Variants in FBN2 observed in about 807,000 individuals in gnomAD.
FBN2 encodes the protein fibrillin 2.
FBN2 carries 105 observed loss-of-function variants against 355.6 expected under a neutral mutation model. That is an observed-to-expected ratio of 0.30 (90% CI 0.25 to 0.35). FBN2 has a LOEUF of 0.35. Among genes scored for constraint, FBN2 ranks in the 10% least tolerant of loss-of-function variants. The pLI is 1.00. For missense variants in FBN2, 3,280 were observed against 3,758.7 expected (o/e 0.87, Z 3.33); for synonymous variants, 1,350 against 1,301.2 (o/e 1.04, Z -0.81).
In FBN2 at chr5:128,318,331, G is replaced by A. The variant is rs557060612; in HGVS notation, c.4595-60C>T. On this transcript the variant is annotated intron_variant, in intron 35 of 64. Coordinates refer to ENST00000262464, the MANE Select transcript of FBN2 (RefSeq NM_001999.4). Reference sequence around the variant, plus strand: ...TTTTACTTTTTCTGTGCATACTGCTGTTCCAAAGAATTTGGTGGAATTTTT... The same window carrying A: ...TTTTACTTTTTCTGTGCATACTGCTATTCCAAAGAATTTGGTGGAATTTTT... 45 of 1,583,804 alleles carry A rather than the reference G, an allele frequency of 2.8e-5. No individual in the cohort carries two copies. The East Asian group carries it at 8.9e-4, about 31-fold the overall frequency.
chr5:128,511,974 G>T (rs2127152955), intron 5 of FBN2, among the ~76,000 whole-genome samples: 1 of 152,286 alleles, frequency 6.6e-6, no homozygotes, highest in African/African-American at 2.4e-5. Context: ...GACCAGTTAA[G>T]TAATGAGTAC....
intron 36 of FBN2, among the ~76,000 whole-genome samples, chr5:128,313,388 C>T (rs1750113363): frequency 6.6e-6 from 1 of 152,096 alleles, no homozygotes; most frequent in Non-Finnish European, 1.5e-5. Context: ...CTACCAATTG[C>T]CTATTTCATT....
chr5:128,443,268 C>G (rs909271571), intron 7 of FBN2, among the ~76,000 whole-genome samples: 1 of 152,148 alleles, frequency 6.6e-6, no homozygotes. Flanking sequence ...ACAAAAAATG[C>G]TAAGATGAAG....
intron 58 of FBN2, among the ~76,000 whole-genome samples, chr5:128,276,865 C>T (rs1445688866): frequency 6.6e-5 from 10 of 152,154 alleles, no homozygotes; most frequent in African/African-American, 2.2e-4. Flanking sequence ...CACAGCACTA[C>T]GCCTCCTGGC....
At chr5:128,400,390 C>G (rs1052309275) in intron 8 of FBN2, among the ~76,000 whole-genome samples, 7 of 152,136 alleles carry the variant, frequency 4.6e-5, no homozygotes, top group African/African-American at 1.4e-4. Flanking sequence ...TAAAAAATTA[C>G]TAGACTACAT....
chr5:128,509,529 A>C (rs540109920), intron 5 of FBN2, among the ~76,000 whole-genome samples: 1 of 152,272 alleles, frequency 6.6e-6, no homozygotes, highest in Admixed American at 6.5e-5. Context: ...CAGTCTGTTA[A>C]TTCTAACATC....
chr5:128,411,193 C>T (rs764620094), intron 7 of FBN2, among the ~76,000 whole-genome samples: 2 of 152,104 alleles, frequency 1.3e-5, no homozygotes, highest in African/African-American at 2.4e-5. Flanking sequence ...AACCCTGTAC[C>T]AGCCCACGGC....
At chr5:128,310,152 T>G in intron 39 of FBN2, 44 bp from the exon 40 acceptor site, 1 of 1,503,182 alleles carries the variant, frequency 6.7e-7, no homozygotes, top group Non-Finnish European at 9.2e-7. Flanking sequence ...ATCTATTTTT[T>G]CAATGAATTT....
chr5:128,470,806 T>A (rs1043570441), intron 5 of FBN2, among the ~76,000 whole-genome samples: 1 of 152,138 alleles, frequency 6.6e-6, no homozygotes, highest in African/African-American at 2.4e-5. Flanking sequence ...TGACTGTCAG[T>A]GGAATGCAGT....
intron 5 of FBN2, among the ~76,000 whole-genome samples, chr5:128,478,843 T>C: frequency 6.6e-6 from 1 of 152,202 alleles, no homozygotes; most frequent in Non-Finnish European, 1.5e-5. Flanking sequence ...TGTACTCTTG[T>C]GCATTCTTAA....
chr5:128,534,014 T>C (rs1002393226), intron 2 of FBN2, among the ~76,000 whole-genome samples: 3 of 152,112 alleles, frequency 2.0e-5, no homozygotes, highest in African/African-American at 7.2e-5. Flanking sequence ...TTTCCAGAAC[T>C]TGGAGAATTA....
intron 8 of FBN2, among the ~76,000 whole-genome samples, chr5:128,402,866 T>A (rs1752832030): frequency 6.6e-6 from 1 of 152,238 alleles, no homozygotes; most frequent in Non-Finnish European, 1.5e-5. Flanking sequence ...CATGTTTACA[T>A]TGTTTAAGAG....
rs140756341 is a variant in FBN2 at position 128,278,201 on chromosome 5, G to A, written c.7346-196C>T. ...GGAAAAATAATCTCAAGTGATGGGAGGGGATAAAGGGAGACTCTGGTGAAA... is the reference window on the plus strand; with the variant it reads ...GGAAAAATAATCTCAAGTGATGGGAAGGGATAAAGGGAGACTCTGGTGAAA... On this transcript the variant is annotated intron_variant, in intron 57 of 64. Transcript: ENST00000262464. Among the ~76,000 whole-genome samples, 723 of 152,252 alleles carry A rather than the reference G, an allele frequency of 4.7e-3. 7 individuals carry two copies. The highest frequency in any genetic ancestry group is 0.017 in the African/African-American group (693 of 41,538).
At chr5:128,480,703 C>T (rs1258435623) in intron 5 of FBN2, among the ~76,000 whole-genome samples, 3 of 151,988 alleles carry the variant, frequency 2.0e-5, no homozygotes, top group Non-Finnish European at 2.9e-5. Flanking sequence ...CCAGCCTGGG[C>T]GACAGAGCGA....
At chr5:128,328,314 G>A (rs1269872842) in intron 34 of FBN2, 7 of 442,544 alleles carry the variant, frequency 1.6e-5, no homozygotes, top group African/African-American at 4.0e-5. Context: ...CCAAAAATGA[G>A]CTTTTTATGA....
intron 15 of FBN2, chr5:128,370,974 A>G (rs1398400399): frequency 6.6e-6 from 1 of 152,188 alleles, no homozygotes; most frequent in Admixed American, 6.5e-5. Flanking sequence ...TTATTCATTA[A>G]ATAAGGATAC....
At chr5:128,411,767 G>A (rs1308738529) in intron 7 of FBN2, among the ~76,000 whole-genome samples, 3 of 152,160 alleles carry the variant, frequency 2.0e-5, no homozygotes, top group South Asian at 2.1e-4. Context: ...TGGAGCCCTC[G>A]CCAGGGACCC....
At chr5:128,361,652 C>T in intron 19 of FBN2, 71 bp downstream of exon 19, 1 of 1,526,996 alleles carries the variant, frequency 6.5e-7, no homozygotes, top group Non-Finnish European at 9.1e-7. Flanking sequence ...ATTGCTTCAT[C>T]ACTGTAATTG....
intron 7 of FBN2, among the ~76,000 whole-genome samples, chr5:128,418,122 A>G (rs2127011992): frequency 6.6e-6 from 1 of 152,232 alleles, no homozygotes; most frequent in Non-Finnish European, 1.5e-5. Flanking sequence ...ATACCTGATT[A>G]TAATAGTCTT....
Sources: gnomAD v4.1 joint callset for allele counts (sites outside exome capture counted in the v4.1 genomes callset) on GRCh38, gnomAD v4.1.1 for gene constraint, MANE v1.5 for transcripts, NCBI Gene and HGNC (gene_info 2026-07-23, HGNC 2026-07-21) for gene names.